Variants in NACC1 observed in about 807,000 individuals in gnomAD.
NACC1 encodes the protein nucleus accumbens-associated protein 1.
NACC1 carries 6 observed loss-of-function variants against 41.7 expected under a neutral mutation model. The ratio of observed to expected loss-of-function variants is 0.14; its 90% CI spans 0.08 to 0.28. The LOEUF (loss-of-function observed/expected upper bound fraction) is 0.28. Ranked by LOEUF, NACC1 falls within the 10% of genes least tolerant of loss-of-function variation. The probability of loss-of-function intolerance (pLI) is 1.00; values close to 1 mark genes in which losing one functional copy is unlikely to be tolerated. For synonymous variants in NACC1, 338 were observed against 330.6 expected (o/e 1.02, Z -0.24); for missense variants, 434 against 763.7 (o/e 0.57, Z 5.09).
rs1482103371 is a variant in NACC1, at chr19:13,140,933, C to T, written c.*2527C>T. 6.6e-6 allele frequency: 1 copy of T among 152,562 alleles called. No homozygotes were observed. The highest frequency in any genetic ancestry group is 2.4e-5 in the African/African-American group (1 of 41,402). 9.5% of individuals were successfully genotyped at this position (152,562 alleles called of 1,614,324 possible). On this transcript the variant is annotated 3_prime_UTR_variant, in exon 6 of 6. Transcript: ENST00000292431. The surrounding 1 kb of genome is among the most constrained non-coding windows in gnomAD (Gnocchi z 4.0). ...AACTCCCCTTCCCTGGCCGCCCACTCAACCCACACCTCTTTCACGCAGGAC... is the reference window on the plus strand; with the variant it reads ...AACTCCCCTTCCCTGGCCGCCCACTTAACCCACACCTCTTTCACGCAGGAC...
At position 13,135,585 on chromosome 19, in the gene NACC1, G is replaced by C; in HGVS notation, c.378G>C (p.Pro126=). 2 of 1,597,852 alleles carry C rather than the reference G, an allele frequency of 1.3e-6. No individual in the cohort carries two copies. Among genetic ancestry groups the C allele is most frequent in the Non-Finnish European group, 1.7e-6 (2 of 1,173,730 alleles). The change falls in exon 2 of 6, where the codon CCG becomes CCC. Residue 126 remains proline (P), a synonymous_variant. Coordinates refer to ENST00000292431, the MANE Select transcript of NACC1 (RefSeq NM_052876.4). The part of the protein sequence containing the change: ...GTEFFLKVSS[P]SCDSQGLHAE... ...AGTTCTTCCTCAAGGTGAGCTCCCC[G>C]AGCTGCGACTCCCAGGGCCTGCATG...
At chr19:13,130,816 G>A (rs4926209) in intron 1 of NACC1, among the ~76,000 whole-genome samples, 19 of 152,072 alleles carry the variant, frequency 1.2e-4, no homozygotes, top group African/African-American at 4.3e-4. Context: ...GATTACAGGC[G>A]TGAGCCACCG....
At chr19:13,126,112 C>T (rs573307386) in intron 1 of NACC1, among the ~76,000 whole-genome samples, 4 of 151,310 alleles carry the variant, frequency 2.6e-5, no homozygotes, top group African/African-American at 7.3e-5. Context: ...GGCCCGATCT[C>T]GGCTCACCGC....
At chr19:13,127,086 A>G (rs1020910029) in intron 1 of NACC1, among the ~76,000 whole-genome samples, 4 of 151,946 alleles carry the variant, frequency 2.6e-5, no homozygotes, top group Non-Finnish European at 4.4e-5. Context: ...TAAAAAATGC[A>G]CAAATAAATA....
chr19:13,125,403 A>G lies in NACC1; in HGVS notation c.-9+6949A>G, dbSNP rs57439363. ...GCCCTCCTGACTGAATCAACTCCCGAAGGCCCCACTTTTTTTTTTTTTTTT... is the reference window on the plus strand; with the variant it reads ...GCCCTCCTGACTGAATCAACTCCCGGAGGCCCCACTTTTTTTTTTTTTTTT... On this transcript the variant is annotated intron_variant, in intron 1 of 5. Transcript: ENST00000292431. Among the ~76,000 whole-genome samples the G allele has an allele frequency of 6.6e-3, 924 of 139,324 alleles. 16 individuals carry two copies. The highest frequency in any genetic ancestry group is 0.024 in the African/African-American group (888 of 37,658). The allele number at this position is 139,324 out of a possible 152,430, so 91.4% of individuals were successfully genotyped here.
At chr19:13,125,304 A>C (rs566842996) in intron 1 of NACC1, among the ~76,000 whole-genome samples, 1 of 152,166 alleles carries the variant, frequency 6.6e-6, no homozygotes, top group African/African-American at 2.4e-5. Flanking sequence ...CCTTTTAGGT[A>C]TCTGCACAGG....
intron 1 of NACC1, among the ~76,000 whole-genome samples, chr19:13,119,768 C>T (rs2019465360): frequency 6.6e-6 from 1 of 152,178 alleles, no homozygotes; most frequent in Non-Finnish European, 1.5e-5. Flanking sequence ...GCACTCACAC[C>T]CTGGCCCAGG....
In NACC1 at chr19:13,118,466, C is replaced by A. The variant is rs1302595293; in HGVS notation, c.-9+12C>A. ...CGGCCACGGCGCAGGTGAGGCGGCC[C>A]GCCTCAGGCCCGGTTCCGGCCTCCT... On this transcript the variant is annotated intron_variant, in intron 1 of 5. Coordinates refer to ENST00000292431, the MANE Select transcript of NACC1 (RefSeq NM_052876.4). 1 of 150,490 alleles carries A rather than the reference C, an allele frequency of 6.6e-6. No individual in the cohort carries two copies. Among genetic ancestry groups the A allele is most frequent in the Non-Finnish European group, 1.5e-5 (1 of 67,610 alleles). 9.3% of individuals were successfully genotyped at this position (150,490 alleles called of 1,614,324 possible). A position where few individuals can be genotyped will look rare whatever the true frequency, so the allele number is the denominator to read the frequency against.
Position 13,135,693 on chromosome 19 carries a change from C to T in NACC1, c.486C>T (p.Leu162=), listed in dbSNP as rs577024160. 1.8e-5 allele frequency: 28 copies of T among 1,553,608 alleles called. No homozygotes were observed. Among genetic ancestry groups the T allele is most frequent in the South Asian group, 1.4e-4 (12 of 84,956 alleles). Residue 162 remains leucine, a synonymous_variant, in exon 2 of 6, where the codon CTC becomes CTT. Transcript: ENST00000292431. ...GWPACSTPLP[L]VSRVKTEQQE... ...CAGCCTGTAGCACCCCGCTGCCCCT[C>T]GTGTCGCGGGTGAAGACGGAGCAGC...
At chr19:13,126,737 GCCCTAT>G (rs1568383129) in intron 1 of NACC1, among the ~76,000 whole-genome samples, 12 of 152,172 alleles carry the variant, frequency 7.9e-5, no homozygotes. Flanking sequence ...ATGCTTCTGA[GCCCTAT>G]TCCTGTTTGA....
chr19:13,128,840 T>G (rs1212440471), intron 1 of NACC1, among the ~76,000 whole-genome samples: 1 of 152,162 alleles, frequency 6.6e-6, no homozygotes, highest in Non-Finnish European at 1.5e-5. Flanking sequence ...TGCCCTTGGG[T>G]CTCACCAGAA....
chr19:13,119,929 C>T (rs1308602244), intron 1 of NACC1, among the ~76,000 whole-genome samples: 13 of 152,136 alleles, frequency 8.5e-5, no homozygotes. Flanking sequence ...TGTGGCTTGT[C>T]TCAGATCACA....
At position 13,138,108 on chromosome 19, in the gene NACC1, T is replaced by C. The variant is rs1039834414; in HGVS notation, c.1325-39T>C. On this transcript the variant is annotated intron_variant, in intron 5 of 5. Coordinates refer to ENST00000292431, the MANE Select transcript of NACC1 (RefSeq NM_052876.4). The surrounding 1 kb of genome is among the most constrained non-coding windows in gnomAD (Gnocchi z 5.7). ...GTGAGTAGGCCTTGTGGGAGTCACCTGGCCCCCGTGCCAAGGCCGCACCCA... is the reference window on the plus strand; with the variant it reads ...GTGAGTAGGCCTTGTGGGAGTCACCCGGCCCCCGTGCCAAGGCCGCACCCA... The C allele has an allele frequency of 6.2e-7, 1 of 1,603,348 alleles. No homozygotes were observed. Among genetic ancestry groups the C allele is most frequent in the Non-Finnish European group, 8.5e-7 (1 of 1,173,194 alleles).
chr19:13,137,173 C>A lies in NACC1; in HGVS notation c.1121-98C>A. 1 of 1,175,102 alleles carries A rather than the reference C, an allele frequency of 8.5e-7. No homozygotes were observed. The highest frequency in any genetic ancestry group is 1.3e-6 in the Non-Finnish European group (1 of 799,846). 72.8% of individuals were successfully genotyped at this position (1,175,102 alleles called of 1,614,324 possible). A position where few individuals can be genotyped will look rare whatever the true frequency, so the allele number is the denominator to read the frequency against. On this transcript the variant is annotated intron_variant, in intron 3 of 5. Coordinates refer to ENST00000292431, the MANE Select transcript of NACC1 (RefSeq NM_052876.4). This position sits in a 1 kb window ranked among gnomAD's most constrained non-coding sequence, Gnocchi z 6.1. The stretch of plus-strand genomic sequence containing the variant: ...AGTTTTCTTGGGACCCAGAGCCCAG[C>A]AGGGAGGGCCTGGGGTGTTCTGAGA...
chr19:13,128,319 G>A (rs1417027272), intron 1 of NACC1, among the ~76,000 whole-genome samples: 3 of 152,188 alleles, frequency 2.0e-5, no homozygotes. Flanking sequence ...ATATTTCAGA[G>A]TGCTGGGGGC....
At position 13,138,650 on chromosome 19, in the gene NACC1, G is replaced by C. The variant is rs2019741904; in HGVS notation, c.*244G>C. ...TAACACACACTCGTGCAGTGGGGGA[G>C]TTCTGGCTCCCCAACCTAACCCCTA... On this transcript the variant is annotated 3_prime_UTR_variant, in exon 6 of 6. Coordinates refer to ENST00000292431, the MANE Select transcript of NACC1 (RefSeq NM_052876.4). The surrounding 1 kb of genome is among the most constrained non-coding windows in gnomAD (Gnocchi z 5.7). 1.7e-6 allele frequency: 1 copy of C among 574,560 alleles called. No homozygotes were observed. Among genetic ancestry groups the C allele is most frequent in the Non-Finnish European group, 3.1e-6 (1 of 324,602 alleles). The allele number at this position is 574,560 out of a possible 1,614,324, so 35.6% of individuals were successfully genotyped here.
At chr19:13,121,441 T>C (rs1453361846) in intron 1 of NACC1, among the ~76,000 whole-genome samples, 1 of 152,172 alleles carries the variant, frequency 6.6e-6, no homozygotes, top group Non-Finnish European at 1.5e-5. Context: ...TCAGAACCCC[T>C]TGGCCTGCAT....
At chr19:13,128,166 C>G (rs1385408667) in intron 1 of NACC1, among the ~76,000 whole-genome samples, 1 of 152,184 alleles carries the variant, frequency 6.6e-6, no homozygotes, top group African/African-American at 2.4e-5. Context: ...GTGTGCGAGT[C>G]TGGCATTCAC....
At chr19:13,122,705 G>C (rs1287623476) in intron 1 of NACC1, among the ~76,000 whole-genome samples, 11 of 152,170 alleles carry the variant, frequency 7.2e-5, no homozygotes, top group African/African-American at 2.7e-4. Flanking sequence ...GGCGTCTGGG[G>C]TGTGAGTGGA....
Sources: gnomAD v4.1 joint callset for allele counts (sites outside exome capture counted in the v4.1 genomes callset) on GRCh38, gnomAD v4.1.1 for gene constraint, Gnocchi (gnomAD v3.1) non-coding constraint, MANE v1.5 for transcripts, NCBI Gene and HGNC (gene_info 2026-07-23, HGNC 2026-07-21) for gene names.